KCNJ8: variants seen among roughly 807,000 people sequenced by gnomAD.
KCNJ8 encodes the protein potassium inwardly rectifying channel subfamily J member 8.
A neutral mutation model predicts 28.2 loss-of-function variants in KCNJ8; 13 were observed. That is an observed-to-expected ratio of 0.46 (90% CI 0.30 to 0.73). KCNJ8 has a LOEUF of 0.73. KCNJ8 is among the 30% of genes least tolerant of loss of function. The pLI, the probability that KCNJ8 is intolerant of heterozygous loss-of-function variation, is 0.07. For synonymous variants in KCNJ8, 188 were observed against 195.9 expected (o/e 0.96, Z 0.34); for missense variants, 284 against 542.6 (o/e 0.52, Z 4.73).
chr12:21,766,278 C>A lies in KCNJ8; in HGVS notation c.720G>T (p.Val240=). 6.2e-7 allele frequency: 1 copy of A among 1,614,118 alleles called. No individual in the cohort carries two copies. Among genetic ancestry groups the A allele is most frequent in the Non-Finnish European group, 8.5e-7 (1 of 1,180,030 alleles). ...VKKTTTPEGE[V]VPIHQLDIPV... is the part of the protein sequence containing the mutation. ...GAATGTCCAGTTGGTGAATAGGAAC[C>A]ACCTCCCCTTCAGGTGTAGTTGTTT... The change falls in exon 3 of 3, where the codon GTG becomes GTT. Residue 240 remains valine (V), a synonymous_variant. Transcript: ENST00000240662. This position sits in a 1 kb window ranked among gnomAD's most constrained non-coding sequence, Gnocchi z 6.5.
intron 2 of KCNJ8, among the ~76,000 whole-genome samples, chr12:21,771,890 T>A (rs1046858063): frequency 6.6e-6 from 1 of 152,344 alleles, no homozygotes; most frequent in Non-Finnish European, 1.5e-5. Context: ...GTTTTCTTTA[T>A]ATCTGGTATA....
intron 2 of KCNJ8, among the ~76,000 whole-genome samples, chr12:21,772,483 A>T (rs184249402): frequency 6.6e-6 from 1 of 152,214 alleles, no homozygotes; most frequent in Non-Finnish European, 1.5e-5. Flanking sequence ...TGAGATACTT[A>T]TGATATGAGA....
chr12:21,773,670 C>G lies in KCNJ8; in HGVS notation c.-54G>C. On this transcript the variant is annotated 5_prime_UTR_variant, in exon 2 of 3. Coordinates refer to ENST00000240662, the MANE Select transcript of KCNJ8 (RefSeq NM_004982.4). This position sits in a 1 kb window ranked among gnomAD's most constrained non-coding sequence, Gnocchi z 4.6. ...CCTCCCTCTCACCTGCCTCTCCGTC[C>G]CTGGACACCCGTCCTCCTGCACGAG... The G allele has an allele frequency of 6.2e-7, 1 of 1,604,546 alleles. No individual in the cohort carries two copies. The highest frequency in any genetic ancestry group is 1.1e-5 in the South Asian group (1 of 90,774).
At chr12:21,770,063 C>T (rs931518396) in intron 2 of KCNJ8, among the ~76,000 whole-genome samples, 1 of 152,190 alleles carries the variant, frequency 6.6e-6, no homozygotes, top group African/African-American at 2.4e-5. Context: ...TATCAAACAG[C>T]ATCACACATT....
rs934919942 is a variant in KCNJ8, at chr12:21,765,370, C to T, written c.*353G>A. ...AACACAGCGATCTGGGTTTCACCAA[C>T]TAAGCATTTCAAACAGACTCATTTC... is the stretch of plus-strand genomic sequence containing the variant. On this transcript the variant is annotated 3_prime_UTR_variant, in exon 3 of 3. Transcript: ENST00000240662. The T allele has an allele frequency of 5.6e-6, 2 of 354,642 alleles. No homozygotes were observed. Among genetic ancestry groups the T allele is most frequent in the East Asian group, 7.1e-5 (1 of 14,008 alleles). The allele number at this position is 354,642 out of a possible 1,614,324, so 22.0% of individuals were successfully genotyped here.
In KCNJ8 at chr12:21,766,575, A is replaced by G. The variant is rs1565659237; in HGVS notation, c.423T>C (p.Ile141=). Residue 141 remains isoleucine (I), a synonymous_variant, in exon 3 of 3, where the codon ATT becomes ATC. Transcript: ENST00000240662. The surrounding 1 kb of genome is among the most constrained non-coding windows in gnomAD (Gnocchi z 6.5). Reference sequence around the variant, plus strand: ...CTGTCATCATCCTCCCTCCAAACCCAATGGTAACTTGAACTTCAATGGAGA... The same window carrying G: ...CTGTCATCATCCTCCCTCCAAACCCGATGGTAACTTGAACTTCAATGGAGA... The part of the protein sequence containing the change: ...FLFSIEVQVT[I]GFGGRMMTEE... 1.2e-6 allele frequency: 2 copies of G among 1,604,850 alleles called. No homozygotes were observed. The highest frequency in any genetic ancestry group is 2.7e-5 in the African/African-American group (2 of 74,936).
chr12:21,773,285 T>C lies in KCNJ8; in HGVS notation c.332A>G (p.Glu111Gly), dbSNP rs138391404. 216 of 1,613,874 alleles carry C rather than the reference T, an allele frequency of 1.3e-4. No individual in the cohort carries two copies. Among genetic ancestry groups the C allele is most frequent in the Non-Finnish European group, 1.7e-4 (205 of 1,179,986 alleles). The change falls in exon 2 of 3, where the codon GAG (glutamate) becomes GGG (glycine). Residue 111 changes from glutamate to glycine, a missense_variant. Coordinates refer to ENST00000240662, the MANE Select transcript of KCNJ8 (RefSeq NM_004982.4). This position sits in a 1 kb window ranked among gnomAD's most constrained non-coding sequence, Gnocchi z 4.6. ...IYAYMEKSGM[E>G]KSGLESTVCV... ...CACAGTGGACTCCAAACCACTTTTC[T>C]CCATTCCACTTTTCTCCATGTAAGC... is the stretch of plus-strand genomic sequence containing the variant.
At position 21,770,452 on chromosome 12, in the gene KCNJ8, A is replaced by G. The variant is rs1309618870; in HGVS notation, c.374+2791T>C. On this transcript the variant is annotated intron_variant, in intron 2 of 2. Coordinates refer to ENST00000240662, the MANE Select transcript of KCNJ8 (RefSeq NM_004982.4). ...GCAATGGTCTGGAACCAAAACTGCAATATCTCTAAGGTATACCTGTAATTA... is the reference window on the plus strand; with the variant it reads ...GCAATGGTCTGGAACCAAAACTGCAGTATCTCTAAGGTATACCTGTAATTA... Among the ~76,000 whole-genome samples the G allele has an allele frequency of 2.6e-5, 4 of 152,306 alleles. No homozygotes were observed. The South Asian group carries it at 6.2e-4, about 24-fold the overall frequency.
At position 21,773,745 on chromosome 12, in the gene KCNJ8, G is replaced by T. The variant is rs549223794; in HGVS notation, c.-70-59C>A. ...AACCCACCCTATCCTCACCTCTTGG[G>T]TCCTTGTATTCAAGGATATGTCTGT... is the stretch of plus-strand genomic sequence containing the variant. On this transcript the variant is annotated intron_variant, in intron 1 of 2. Transcript: ENST00000240662. This position sits in a 1 kb window ranked among gnomAD's most constrained non-coding sequence, Gnocchi z 4.6. 3 of 1,291,062 alleles carry T rather than the reference G, an allele frequency of 2.3e-6. No individual in the cohort carries two copies. The highest frequency in any genetic ancestry group is 1.2e-5 in the South Asian group (1 of 81,592). The allele number at this position is 1,291,062 out of a possible 1,614,324, so 80.0% of individuals were successfully genotyped here.
intron 2 of KCNJ8, among the ~76,000 whole-genome samples, chr12:21,770,463 G>C (rs1380474625): frequency 6.6e-6 from 1 of 152,104 alleles, no homozygotes; most frequent in Non-Finnish European, 1.5e-5. Context: ...TATCTCTAAG[G>C]TATACCTGTA....
chr12:21,767,808 T>A (rs1323534638), intron 2 of KCNJ8, among the ~76,000 whole-genome samples: 1 of 152,234 alleles, frequency 6.6e-6, no homozygotes, highest in African/African-American at 2.4e-5. Flanking sequence ...AAATTGAAGG[T>A]CTGTGGCAAC....
rs1390487757 is a variant in KCNJ8 at position 21,766,953 on chromosome 12, A to G, written c.375-330T>C. ...TTGTGTAAAAGATTAATATATTTTC[A>G]TATATATGCATATTTTACCTTGCGA... On this transcript the variant is annotated intron_variant, in intron 2 of 2. Transcript: ENST00000240662. This position sits in a 1 kb window ranked among gnomAD's most constrained non-coding sequence, Gnocchi z 6.5. 6.6e-6 allele frequency among the ~76,000 whole-genome samples: 1 copy of G among 152,196 alleles called. No homozygotes were observed. Among genetic ancestry groups the G allele is most frequent in the African/African-American group, 2.4e-5 (1 of 41,456 alleles).
At position 21,766,190 on chromosome 12, in the gene KCNJ8, C is replaced by T. The variant is rs933438680; in HGVS notation, c.808G>A (p.Val270Met). 5.6e-6 allele frequency: 9 copies of T among 1,613,950 alleles called. No homozygotes were observed. Among genetic ancestry groups the T allele is most frequent in the African/African-American group, 5.3e-5 (4 of 74,906 alleles). ...FLVAPLIICH[V>M]IDKRSPLYDI... ...TACAGGGGACTGCGCTTGTCAATCA[C>T]GTGGCAGATGATCAAAGGGGCCACC... Residue 270 changes from valine (V) to methionine (M), a missense_variant, in exon 3 of 3, where the codon GTG becomes ATG. Physicochemically the swap from Val to Met is conservative, Grantham distance 21. Around this residue, in one of 8 missense-constraint regions of KCNJ8, gnomAD observed 107 missense variants for 235.6 expected, o/e 0.45. Transcript: ENST00000240662. The surrounding 1 kb of genome is among the most constrained non-coding windows in gnomAD (Gnocchi z 6.5).
chr12:21,774,521 C>A (rs1940846333), intron 1 of KCNJ8, 25 bp downstream of exon 1: 1 of 152,052 alleles, frequency 6.6e-6, no homozygotes, highest in Non-Finnish European at 1.5e-5. Context: ...CCCCTCCGCT[C>A]CCCCGGAGCA....
In KCNJ8 at chr12:21,765,513, C is replaced by T; in HGVS notation, c.*210G>A. 1.7e-6 allele frequency: 1 copy of T among 604,024 alleles called. No homozygotes were observed. Among genetic ancestry groups the T allele is most frequent in the East Asian group, 2.8e-5 (1 of 35,340 alleles). The allele number at this position is 604,024 out of a possible 1,614,324, so 37.4% of individuals were successfully genotyped here. On this transcript the variant is annotated 3_prime_UTR_variant, in exon 3 of 3. Transcript: ENST00000240662. ...CTTAAGTATATCACTGCGAATTCTA[C>T]ATGTATGAAACAAGCATAAGCCATG...
chr12:21,774,562 G>A lies in KCNJ8; in HGVS notation c.-87C>T, dbSNP rs750106740. 1 of 152,172 alleles carries A rather than the reference G, an allele frequency of 6.6e-6. No individual in the cohort carries two copies. Among genetic ancestry groups the A allele is most frequent in the Non-Finnish European group, 1.5e-5 (1 of 68,044 alleles). The allele number at this position is 152,172 out of a possible 1,614,324, so 9.4% of individuals were successfully genotyped here. On this transcript the variant is annotated 5_prime_UTR_variant, in exon 1 of 3. Coordinates refer to ENST00000240662, the MANE Select transcript of KCNJ8 (RefSeq NM_004982.4). The stretch of plus-strand genomic sequence containing the variant: ...GAAACTTACAGACTCCGGGTAGCGG[G>A]CGCGGCGGCTGGACCTCCTTGCACA...
intron 2 of KCNJ8, among the ~76,000 whole-genome samples, chr12:21,767,039 T>C (rs1940641994): frequency 6.6e-6 from 1 of 152,188 alleles, no homozygotes; most frequent in Non-Finnish European, 1.5e-5. Flanking sequence ...GGTAGATGTT[T>C]ATTATTTATT....
At chr12:21,770,212 A>G (rs1031437340) in intron 2 of KCNJ8, among the ~76,000 whole-genome samples, 1 of 152,218 alleles carries the variant, frequency 6.6e-6, no homozygotes, top group African/African-American at 2.4e-5. Context: ...TATCAAGGCT[A>G]GCCCCTCCAC....
chr12:21,770,060 C>T (rs902481470), intron 2 of KCNJ8, among the ~76,000 whole-genome samples: 3 of 152,186 alleles, frequency 2.0e-5, no homozygotes, highest in Non-Finnish European at 4.4e-5. Context: ...TGCTATCAAA[C>T]AGCATCACAC....
Sources: gnomAD v4.1 joint callset for allele counts (sites outside exome capture counted in the v4.1 genomes callset) on GRCh38, gnomAD v4.1.1 for gene constraint, gnomAD v4.1.1 regional missense constraint, Gnocchi (gnomAD v3.1) non-coding constraint, MANE v1.5 for transcripts, NCBI Gene and HGNC (gene_info 2026-07-23, HGNC 2026-07-21) for gene names.